Variants in CTNNA2 observed in about 807,000 individuals in gnomAD.
CTNNA2 encodes catenin alpha-2.
CTNNA2 carries 42 observed loss-of-function variants against 101.0 expected under a neutral mutation model. The ratio of observed to expected loss-of-function variants is 0.42; its 90% confidence interval spans 0.32 to 0.54. The LOEUF is 0.54. Among genes scored for constraint, CTNNA2 ranks in the 20% least tolerant of loss-of-function variants. CTNNA2 has a pLI of 0.14. For missense variants in CTNNA2, 871 were observed against 1,223.1 expected (o/e 0.71, Z 4.29); for synonymous variants, 450 against 456.4 (o/e 0.99, Z 0.18).
intron 7 of CTNNA2, among the ~76,000 whole-genome samples, chr2:80,187,583 G>A (rs1347519511): frequency 6.6e-6 from 1 of 152,106 alleles, no homozygotes; most frequent in Admixed American, 6.5e-5. Flanking sequence ...CAAGAACGAG[G>A]GCAGTAATAG....
At chr2:79,906,223 A>G (rs1685412801) in intron 6 of CTNNA2, among the ~76,000 whole-genome samples, 1 of 151,936 alleles carries the variant, frequency 6.6e-6, no homozygotes, top group Non-Finnish European at 1.5e-5. Flanking sequence ...CAAATAGCAC[A>G]TATCTTGCCC....
At chr2:80,329,697 A>G (rs80208056) in intron 7 of CTNNA2, among the ~76,000 whole-genome samples, 55 of 152,296 alleles carry the variant, frequency 3.6e-4, no homozygotes, top group African/African-American at 1.3e-3. Flanking sequence ...TGAATGAGGA[A>G]GCAACATTGG....
rs1442103269 is a variant in CTNNA2, at chr2:79,858,178, T to C, written c.464T>C (p.Ile155Thr). 6.2e-7 allele frequency: 1 copy of C among 1,610,536 alleles called. No individual in the cohort carries two copies. The highest frequency in any genetic ancestry group is 2.2e-5 in the East Asian group (1 of 44,756). Residue 155 changes from isoleucine to threonine, a missense_variant and splice_region_variant, in exon 4 of 19, where the codon ATT (isoleucine) becomes ACT (threonine). Transcript: ENST00000402739. ...ATGAGACTTTTATCCCATCTGAAAA[T>C]TGTACGTATGTAGAACTTATCAAAA... is the stretch of plus-strand genomic sequence containing the variant. ...DVMRLLSHLK[I>T]VEEALEAVKN...
At chr2:80,589,279 C>A in intron 14 of CTNNA2, 25 bp from the exon 15 acceptor site, 1 of 1,611,146 alleles carries the variant, frequency 6.2e-7, no homozygotes, top group South Asian at 1.1e-5. Context: ...CACCGTCACT[C>A]ACGCTTTTTC....
intron 7 of CTNNA2, among the ~76,000 whole-genome samples, chr2:80,244,748 A>G (rs952469964): frequency 8.5e-5 from 13 of 152,170 alleles, no homozygotes; most frequent in African/African-American, 3.1e-4. Flanking sequence ...ATAACCAGGC[A>G]GTATCTTAGG....
At chr2:79,364,777 A>G (rs1425784248) in intron 3 of CTNNA2, among the ~76,000 whole-genome samples, 1 of 152,182 alleles carries the variant, frequency 6.6e-6, no homozygotes, top group Non-Finnish European at 1.5e-5. Flanking sequence ...CATGTTAACT[A>G]AAGACTGAAT....
At chr2:80,489,365 T>A (rs572368552) in intron 9 of CTNNA2, among the ~76,000 whole-genome samples, 1 of 152,128 alleles carries the variant, frequency 6.6e-6, no homozygotes, top group African/African-American at 2.4e-5. Flanking sequence ...CAAAAAAAGA[T>A]AAACCATCAT....
intron 7 of CTNNA2, among the ~76,000 whole-genome samples, chr2:80,063,329 T>C (rs1697741349): frequency 6.6e-6 from 1 of 152,234 alleles, no homozygotes; most frequent in Admixed American, 6.5e-5. Flanking sequence ...ATCCCATTGT[T>C]TTCTAATAAG....
chr2:80,170,822 G>A (rs112875233), intron 7 of CTNNA2, among the ~76,000 whole-genome samples: 241 of 152,294 alleles, frequency 1.6e-3, no homozygotes, highest in Non-Finnish European at 2.8e-3. Flanking sequence ...TTGGGTGGGT[G>A]AGGTGTTATG....
chr2:79,823,273 T>A (rs1558553566), intron 3 of CTNNA2, among the ~76,000 whole-genome samples: 1 of 152,216 alleles, frequency 6.6e-6, no homozygotes, highest in African/African-American at 2.4e-5. Context: ...GTGGAAAGAT[T>A]GTAGGATATT....
chr2:80,372,027 G>A lies in CTNNA2; in HGVS notation c.1057-21184G>A, dbSNP rs183441724. 1.5e-3 allele frequency among the ~76,000 whole-genome samples: 221 copies of A among 152,214 alleles called. 1 individual carries two copies. Among genetic ancestry groups the A allele is most frequent in the Middle Eastern group, 3.4e-3 (1 of 294 alleles). On this transcript the variant is annotated intron_variant, in intron 7 of 18. Coordinates refer to ENST00000402739, the MANE Select transcript of CTNNA2 (RefSeq NM_001282597.3). ...GGTCATAAAACTTGTCGTCCGAATT[G>A]AAGCACTTTATAGAGTGAAAGGAGG...
At chr2:80,093,453 C>T (rs1367726381) in intron 7 of CTNNA2, among the ~76,000 whole-genome samples, 2 of 151,970 alleles carry the variant, frequency 1.3e-5, no homozygotes, top group South Asian at 2.1e-4. Flanking sequence ...TGAATAGTGC[C>T]GCAATAAACA....
At chr2:80,595,357 C>G (rs1012154998) in intron 15 of CTNNA2, among the ~76,000 whole-genome samples, 1 of 151,740 alleles carries the variant, frequency 6.6e-6, no homozygotes, top group East Asian at 1.9e-4. Context: ...TTAGTTTTAC[C>G]AGGACTTTTT....
chr2:79,431,885 C>G (rs1204201189), intron 4 of CTNNA2, among the ~76,000 whole-genome samples: 1 of 152,042 alleles, frequency 6.6e-6, no homozygotes, highest in East Asian at 1.9e-4. Flanking sequence ...CTCACATACT[C>G]AATATGCAAT....
intron 7 of CTNNA2, among the ~76,000 whole-genome samples, chr2:80,368,660 G>A (rs1675155528): frequency 6.6e-6 from 1 of 151,758 alleles, no homozygotes; most frequent in Non-Finnish European, 1.5e-5. Context: ...TGTTCTGGGA[G>A]ATGTCAAATT....
intron 6 of CTNNA2, among the ~76,000 whole-genome samples, chr2:79,897,483 C>T (rs1684798367): frequency 6.6e-6 from 1 of 152,080 alleles, no homozygotes; most frequent in African/African-American, 2.4e-5. Flanking sequence ...ATATCTATAA[C>T]TCACTACATT....
intron 2 of CTNNA2, among the ~76,000 whole-genome samples, chr2:79,730,008 G>T (rs1335627205): frequency 6.6e-6 from 1 of 152,082 alleles, no homozygotes; most frequent in Non-Finnish European, 1.5e-5. Context: ...AGCCACATCA[G>T]TTGTCTTGCC....
At chr2:80,104,130 T>C (rs1256968207) in intron 7 of CTNNA2, among the ~76,000 whole-genome samples, 1 of 152,178 alleles carries the variant, frequency 6.6e-6, no homozygotes, top group Non-Finnish European at 1.5e-5. Flanking sequence ...CTCTCAGGCA[T>C]GTTGGGGGGA....
chr2:80,458,847 A>G (rs1684192700), intron 9 of CTNNA2, among the ~76,000 whole-genome samples: 1 of 152,080 alleles, frequency 6.6e-6, no homozygotes, highest in African/African-American at 2.4e-5. Context: ...CCTCCCAACA[A>G]CTTTGATGTA....
Sources: gnomAD v4.1 joint callset for allele counts (sites outside exome capture counted in the v4.1 genomes callset) on GRCh38, gnomAD v4.1.1 for gene constraint, MANE v1.5 for transcripts, NCBI Gene and HGNC (gene_info 2026-07-23, HGNC 2026-07-21) for gene names.